Variants in GHR observed in about 807,000 individuals in gnomAD.
GHR encodes growth hormone receptor.
In GHR, 35 loss-of-function variants were observed where a neutral mutation model predicts 67.1. The ratio of observed to expected loss-of-function variants is 0.52; its 90% CI spans 0.40 to 0.69. The LOEUF (loss-of-function observed/expected upper bound fraction) is 0.69. Among genes scored for constraint, GHR ranks in the 30% least tolerant of loss-of-function variants. GHR has a pLI of 0.00. For missense variants in GHR, 792 were observed against 764.6 expected, an observed-to-expected ratio of 1.04 and a Z score of -0.42; for synonymous variants, 272 against 269.1, an observed-to-expected ratio of 1.01 and a Z score of -0.10.
chr5:42,610,740 G>A lies in GHR; in HGVS notation c.71-18298G>A, dbSNP rs572502776. Among the ~76,000 whole-genome samples the A allele has an allele frequency of 5.7e-4, 87 of 152,254 alleles. 1 individual carries two copies. The South Asian group carries it at 0.018, about 31-fold the overall frequency. On this transcript the variant is annotated intron_variant, in intron 2 of 9. Transcript: ENST00000230882. ...GGAAGAAAGGAAAGAGGTAGGGAGG[G>A]AGGGAAAGTCTTAGACATCAGTGCA...
intron 2 of GHR, among the ~76,000 whole-genome samples, chr5:42,570,627 A>G (rs1378697514): frequency 6.6e-6 from 1 of 152,172 alleles, no homozygotes; most frequent in Non-Finnish European, 1.5e-5. Flanking sequence ...GCTTCAAACA[A>G]TCCTTCTTCA....
At chr5:42,504,752 C>T (rs960127357) in intron 1 of GHR, among the ~76,000 whole-genome samples, 2 of 151,942 alleles carry the variant, frequency 1.3e-5, no homozygotes, top group African/African-American at 2.4e-5. Flanking sequence ...AGCGAGATTC[C>T]GTCTCAAAAT....
At chr5:42,545,885 A>G (rs551702494) in intron 1 of GHR, among the ~76,000 whole-genome samples, 1 of 152,312 alleles carries the variant, frequency 6.6e-6, no homozygotes, top group East Asian at 1.9e-4. Flanking sequence ...TCAGAGTATC[A>G]CCTATTTTTT....
intron 1 of GHR, among the ~76,000 whole-genome samples, chr5:42,521,995 G>T (rs991505585): frequency 1.3e-5 from 2 of 152,080 alleles, no homozygotes; most frequent in Non-Finnish European, 2.9e-5. Context: ...TCAACTTTTT[G>T]GGTGTAATTA....
rs1331917224 is a variant in GHR at position 42,719,292 on chromosome 5, T to C, written c.1785T>C (p.Tyr595=). 1.2e-6 allele frequency: 2 copies of C among 1,614,072 alleles called. No homozygotes were observed. Among genetic ancestry groups the C allele is most frequent in the African/African-American group, 2.7e-5 (2 of 74,924 alleles). The change falls in exon 10 of 10, where the codon TAT becomes TAC. Residue 595 remains tyrosine (Y), a synonymous_variant. Transcript: ENST00000230882. ...VPGSEMPVPD[Y]TSIHIVQSPQ... is the part of the protein sequence containing the mutation. ...GTTCTGAGATGCCTGTCCCAGACTATACCTCCATTCATATAGTACAGTCCC... is the reference window on the plus strand; with the variant it reads ...GTTCTGAGATGCCTGTCCCAGACTACACCTCCATTCATATAGTACAGTCCC...
intron 1 of GHR, among the ~76,000 whole-genome samples, chr5:42,546,244 G>A (rs1431862702): frequency 1.3e-5 from 2 of 152,196 alleles, no homozygotes; most frequent in Admixed American, 1.3e-4. Context: ...GGATGAACTA[G>A]AAGGATCTAG....
At position 42,424,516 on chromosome 5, in the gene GHR, C is replaced by T; in HGVS notation, c.-12+561C>T. On this transcript the variant is annotated intron_variant, in intron 1 of 9. Transcript: ENST00000230882. The surrounding 1 kb of genome is among the most constrained non-coding windows in gnomAD (Gnocchi z 4.1). ...CGCGCAGAGCGCGCGGTCTTTTGCG[C>T]GTTTGTGCGGGCCGCAGCCGCACGT... 7.1e-7 allele frequency: 1 copy of T among 1,405,390 alleles called. No individual in the cohort carries two copies. Among genetic ancestry groups the T allele is most frequent in the Non-Finnish European group, 9.7e-7 (1 of 1,028,840 alleles). 87.1% of individuals were successfully genotyped at this position (1,405,390 alleles called of 1,614,324 possible). A position where few individuals can be genotyped will look rare whatever the true frequency, so the allele number is the denominator to read the frequency against.
At chr5:42,716,425 A>T (rs1758726231) in intron 8 of GHR, among the ~76,000 whole-genome samples, 1 of 152,134 alleles carries the variant, frequency 6.6e-6, no homozygotes, top group African/African-American at 2.4e-5. Context: ...TAGGCTTTTC[A>T]AGCCATACAG....
chr5:42,654,338 G>A (rs1474496053), intron 3 of GHR, among the ~76,000 whole-genome samples: 3 of 152,104 alleles, frequency 2.0e-5, no homozygotes, highest in Admixed American at 2.0e-4. Context: ...AACTGATTCT[G>A]TACCAATGCC....
chr5:42,667,748 G>T (rs1756063305), intron 3 of GHR, among the ~76,000 whole-genome samples: 1 of 152,140 alleles, frequency 6.6e-6, no homozygotes, highest in African/African-American at 2.4e-5. Context: ...GATCCAGTAG[G>T]TATGGGTGGA....
At chr5:42,717,984 A>T (rs940540036) in intron 8 of GHR, 68 bp from the exon 9 acceptor site, 1 of 790,158 alleles carries the variant, frequency 1.3e-6, no homozygotes, top group Admixed American at 1.7e-5. Flanking sequence ...TTTTATTTCT[A>T]TCTTTTGCTA....
intron 8 of GHR, chr5:42,713,775 T>C (rs908859987): frequency 2.5e-6 from 1 of 407,874 alleles, no homozygotes; most frequent in Non-Finnish European, 4.6e-6. Context: ...CTGGTGACTA[T>C]GCATACCTTG....
chr5:42,607,917 C>A (rs1330976214), intron 2 of GHR, among the ~76,000 whole-genome samples: 1 of 152,168 alleles, frequency 6.6e-6, no homozygotes, highest in Non-Finnish European at 1.5e-5. Context: ...GATTTCCTGG[C>A]AAAGTGAAGG....
chr5:42,640,982 G>A (rs531830281), intron 3 of GHR, among the ~76,000 whole-genome samples: 1 of 152,220 alleles, frequency 6.6e-6, no homozygotes, highest in East Asian at 1.9e-4. Flanking sequence ...CCAGTCCCAT[G>A]GCACCAAGAC....
At chr5:42,483,297 C>T (rs1329799142) in intron 1 of GHR, among the ~76,000 whole-genome samples, 1 of 152,054 alleles carries the variant, frequency 6.6e-6, no homozygotes, top group African/African-American at 2.4e-5. Flanking sequence ...AGCAGTCTGC[C>T]CACCTTGGCC....
At chr5:42,706,520 G>T (rs891586367) in intron 6 of GHR, among the ~76,000 whole-genome samples, 7 of 151,860 alleles carry the variant, frequency 4.6e-5, no homozygotes, top group Admixed American at 2.6e-4. Flanking sequence ...TTTATAGTTT[G>T]GGGTTTTGCA....
chr5:42,562,390 A>G (rs373784309), intron 1 of GHR, among the ~76,000 whole-genome samples: 47 of 152,100 alleles, frequency 3.1e-4, no homozygotes, highest in African/African-American at 1.1e-3. Context: ...TGCTGAATCC[A>G]TCCACATTTT....
At position 42,424,967 on chromosome 5, in the gene GHR, G is replaced by T; in HGVS notation, c.-12+1012G>T. The stretch of plus-strand genomic sequence containing the variant: ...GGCGCCTGAGCCAGTAGGGTGTGCA[G>T]GGTGGAAGAGGCCACAGAGGTGCCG... On this transcript the variant is annotated intron_variant, in intron 1 of 9. Coordinates refer to ENST00000230882, the MANE Select transcript of GHR (RefSeq NM_000163.5). This position sits in a 1 kb window ranked among gnomAD's most constrained non-coding sequence, Gnocchi z 4.1. 1 of 984,008 alleles carries T rather than the reference G, an allele frequency of 1.0e-6. No homozygotes were observed. Among genetic ancestry groups the T allele is most frequent in the Non-Finnish European group, 1.2e-6 (1 of 828,606 alleles). 61.0% of individuals were successfully genotyped at this position (984,008 alleles called of 1,614,324 possible). A position where few individuals can be genotyped will look rare whatever the true frequency, so the allele number is the denominator to read the frequency against.
chr5:42,639,067 A>G (rs1754341937), intron 3 of GHR, among the ~76,000 whole-genome samples: 1 of 152,198 alleles, frequency 6.6e-6, no homozygotes, highest in South Asian at 2.1e-4. Flanking sequence ...ATTATTAAAG[A>G]TACTCCATCC....
Sources: gnomAD v4.1 joint callset for allele counts (sites outside exome capture counted in the v4.1 genomes callset) on GRCh38, gnomAD v4.1.1 for gene constraint, Gnocchi (gnomAD v3.1) non-coding constraint, MANE v1.5 for transcripts, NCBI Gene and HGNC (gene_info 2026-07-23, HGNC 2026-07-21) for gene names.